The following TMEM132B variants were observed in gnomAD, a reference collection of about 807,000 sequenced individuals.
TMEM132B encodes transmembrane protein 132B.
Under a neutral mutation model 90.8 loss-of-function variants are expected in TMEM132B, and 18 were observed. That is an observed-to-expected ratio of 0.20 (90% CI 0.14 to 0.29). The LOEUF (loss-of-function observed/expected upper bound fraction) is 0.29. TMEM132B is among the 10% of genes least tolerant of loss of function. TMEM132B has a pLI of 1.00. For synonymous variants in TMEM132B, 504 were observed against 523.3 expected (o/e 0.96, Z 0.50); for missense variants, 1,096 against 1,326.8 (o/e 0.83, Z 2.70).
At chr12:125,482,462 T>G (rs1485854474) in intron 3 of TMEM132B, among the ~76,000 whole-genome samples, 2 of 152,198 alleles carry the variant, frequency 1.3e-5, no homozygotes, top group Middle Eastern at 3.2e-3. Context: ...ACAGACGCTT[T>G]TGAAAAGAAG....
In TMEM132B at chr12:125,458,936, C is replaced by T. The variant is rs1187528863; in HGVS notation, c.1106+43259C>T. Among the ~76,000 whole-genome samples, 1 of 152,194 alleles carries T rather than the reference C, an allele frequency of 6.6e-6. No homozygotes were observed. ...AGTGTGGAATCATGAATGTTATCTG[C>T]CCTGTCCAAGTCCATCAGGGAGAGA... On this transcript the variant is annotated intron_variant, in intron 3 of 8. Coordinates refer to ENST00000682704, the MANE Select transcript of TMEM132B (RefSeq NM_001366854.1). The surrounding 1 kb of genome is among the most constrained non-coding windows in gnomAD (Gnocchi z 4.9).
chr12:125,554,496 T>G (rs1233805181), intron 4 of TMEM132B, among the ~76,000 whole-genome samples: 1 of 150,864 alleles, frequency 6.6e-6, no homozygotes, highest in African/African-American at 2.4e-5. Context: ...GTTCTTCTAA[T>G]TGTGTGGCTT....
chr12:125,230,641 C>G (rs1873796880), intron 1 of TMEM132B, among the ~76,000 whole-genome samples: 1 of 151,360 alleles, frequency 6.6e-6, no homozygotes, highest in Admixed American at 6.6e-5. Context: ...CCACCACGCC[C>G]GTCTAATTTT....
At chr12:125,293,958 G>A (rs571079051) in intron 1 of TMEM132B, among the ~76,000 whole-genome samples, 1 of 152,122 alleles carries the variant, frequency 6.6e-6, no homozygotes, top group Non-Finnish European at 1.5e-5. Flanking sequence ...TTTCCTCCTG[G>A]AGCCCAGCTG....
intron 3 of TMEM132B, among the ~76,000 whole-genome samples, chr12:125,437,892 C>T (rs1880750418): frequency 6.6e-6 from 1 of 152,296 alleles, no homozygotes; most frequent in Non-Finnish European, 1.5e-5. Flanking sequence ...GTGATGACTG[C>T]ACAGCATTGT....
intron 5 of TMEM132B, among the ~76,000 whole-genome samples, chr12:125,638,526 T>A (rs538081535): frequency 6.6e-6 from 1 of 152,322 alleles, no homozygotes; most frequent in South Asian, 2.1e-4. Context: ...ATAGTTTTGA[T>A]TCTTTTTGCC....
intron 6 of TMEM132B, among the ~76,000 whole-genome samples, chr12:125,649,543 G>C (rs1886853273): frequency 6.6e-6 from 1 of 152,178 alleles, no homozygotes; most frequent in Non-Finnish European, 1.5e-5. Flanking sequence ...GCTCTTTGGG[G>C]GTGTGTGAAG....
chr12:125,347,138 C>T (rs1345483940), intron 1 of TMEM132B, among the ~76,000 whole-genome samples: 3 of 152,148 alleles, frequency 2.0e-5, no homozygotes, highest in Non-Finnish European at 4.4e-5. Context: ...TTCTGAATTG[C>T]TTTCTGAATG....
chr12:125,506,532 A>G (rs1001748462), intron 3 of TMEM132B, among the ~76,000 whole-genome samples: 1 of 152,200 alleles, frequency 6.6e-6, no homozygotes, highest in African/African-American at 2.4e-5. Flanking sequence ...GTTGTTTTTA[A>G]TATTAAATTT....
intron 5 of TMEM132B, among the ~76,000 whole-genome samples, chr12:125,633,681 AC>A (rs57486993): frequency 0.096 from 14,574 of 152,184 alleles, 1,157 homozygotes; most frequent in Admixed American, 0.27. Context: ...GCATAGTGGT[AC>A]CCCCTTGATG....
intron 4 of TMEM132B, among the ~76,000 whole-genome samples, chr12:125,528,863 A>G (rs1010831444): frequency 2.0e-5 from 3 of 152,042 alleles, no homozygotes; most frequent in African/African-American, 7.2e-5. Context: ...ATGGAAAACA[A>G]TTTTTCCATG....
intron 4 of TMEM132B, among the ~76,000 whole-genome samples, chr12:125,571,807 C>A (rs1884802943): frequency 6.6e-6 from 1 of 152,212 alleles, no homozygotes; most frequent in South Asian, 2.1e-4. Context: ...TTCCTCAAAA[C>A]TCTTACGTAA....
In TMEM132B at chr12:125,253,947, C is replaced by G. The variant is rs1874372481; in HGVS notation, c.67+67081C>G. On this transcript the variant is annotated intron_variant, in intron 1 of 8. Transcript: ENST00000682704. ...TTGTCTTTGTTTCTGTGGAGCTTGG[C>G]TTTTGCAGAGAGCTTGAAATAAATG... is the stretch of plus-strand genomic sequence containing the variant. Among the ~76,000 whole-genome samples the G allele has an allele frequency of 2.0e-5, 3 of 152,270 alleles. No individual in the cohort carries two copies. In the East Asian group the frequency reaches 5.8e-4, roughly 29 times the overall value.
chr12:125,488,576 C>T (rs1882261807), intron 3 of TMEM132B, among the ~76,000 whole-genome samples: 1 of 152,162 alleles, frequency 6.6e-6, no homozygotes, highest in African/African-American at 2.4e-5. Context: ...TCTTTGCCTG[C>T]TGCCATCCAT....
intron 3 of TMEM132B, among the ~76,000 whole-genome samples, chr12:125,455,247 G>A (rs746842428): frequency 6.6e-6 from 1 of 152,050 alleles, no homozygotes; most frequent in African/African-American, 2.4e-5. Flanking sequence ...GAGGGAAGGA[G>A]AAGAATGCAG....
chr12:125,642,519 TA>T (rs1359547442), intron 5 of TMEM132B, among the ~76,000 whole-genome samples: 2 of 152,216 alleles, frequency 1.3e-5, no homozygotes, highest in Non-Finnish European at 2.9e-5. Context: ...CTATCAGGCC[TA>T]ATGGTAGCTC....
At chr12:125,591,224 A>G (rs1422471453) in intron 5 of TMEM132B, among the ~76,000 whole-genome samples, 1 of 152,152 alleles carries the variant, frequency 6.6e-6, no homozygotes, top group Non-Finnish European at 1.5e-5. Context: ...ACAGTTCTGG[A>G]GGTCAGAAGT....
At chr12:125,609,715 G>T (rs1398475551) in intron 5 of TMEM132B, among the ~76,000 whole-genome samples, 1 of 150,868 alleles carries the variant, frequency 6.6e-6, no homozygotes, top group Non-Finnish European at 1.5e-5. Flanking sequence ...CACTTGGGAG[G>T]CTGAGGCAGG....
At chr12:125,305,416 C>T (rs1382240520) in intron 1 of TMEM132B, among the ~76,000 whole-genome samples, 2 of 151,758 alleles carry the variant, frequency 1.3e-5, no homozygotes, top group African/African-American at 4.8e-5. Context: ...TGTGAGATGG[C>T]AGCCACATGT....
Sources: allele counts gnomAD v4.1 joint callset (sites outside exome capture counted in the v4.1 genomes callset), GRCh38; gene constraint gnomAD v4.1.1; non-coding constraint Gnocchi (gnomAD v3.1); transcripts MANE v1.5; gene names NCBI Gene and HGNC (gene_info 2026-07-23, HGNC 2026-07-21).